The following MAST4 variants were observed in gnomAD, a reference collection of about 807,000 sequenced individuals.
MAST4 encodes microtubule associated serine/threonine kinase family member 4, also known as microtubule-associated serine/threonine-protein kinase 4.
Under a neutral mutation model 162.7 loss-of-function variants are expected in MAST4, and 89 were observed. That is an observed-to-expected ratio of 0.55 (90% CI 0.46 to 0.65). The LOEUF (loss-of-function observed/expected upper bound fraction) is 0.65. Ranked by LOEUF, MAST4 falls within the 30% of genes least tolerant of loss-of-function variation. The pLI is 0.00. For missense variants in MAST4, 3,153 were observed against 3,374.0 expected (o/e 0.93, Z 1.62); for synonymous variants, 1,479 against 1,361.1 (o/e 1.09, Z -1.91).
chr5:66,953,188 T>C (rs985007333), intron 4 of MAST4, among the ~76,000 whole-genome samples: 1 of 152,176 alleles, frequency 6.6e-6, no homozygotes, highest in Admixed American at 6.5e-5. Context: ...AATATATAAA[T>C]AATTGAACAT....
chr5:66,721,624 A>G (rs1751214981), intron 1 of MAST4, among the ~76,000 whole-genome samples: 1 of 150,246 alleles, frequency 6.7e-6, no homozygotes, highest in South Asian at 2.1e-4. Flanking sequence ...GATCTAGTAT[A>G]ATGGCCACCA....
At chr5:66,652,868 G>C (rs1023903427) in intron 1 of MAST4, among the ~76,000 whole-genome samples, 1 of 152,096 alleles carries the variant, frequency 6.6e-6, no homozygotes, top group South Asian at 2.1e-4. Flanking sequence ...TGAGGCAAGC[G>C]CTCTCATTGC....
At chr5:66,675,661 A>G (rs1345267417) in intron 1 of MAST4, among the ~76,000 whole-genome samples, 1 of 152,146 alleles carries the variant, frequency 6.6e-6, no homozygotes, top group Admixed American at 6.5e-5. Context: ...GGCTCATCAA[A>G]TCTGCTTTTG....
At chr5:67,109,279 A>G (rs540741652) in intron 10 of MAST4, among the ~76,000 whole-genome samples, 2 of 152,290 alleles carry the variant, frequency 1.3e-5, no homozygotes, top group South Asian at 2.1e-4. Context: ...GCTCCAGAAT[A>G]TGAAACTTTT....
intron 4 of MAST4, among the ~76,000 whole-genome samples, chr5:66,990,127 G>A (rs1247356512): frequency 6.6e-6 from 1 of 152,056 alleles, no homozygotes. Flanking sequence ...ATTCATGCTT[G>A]TTTTCTTTTA....
At chr5:66,718,067 G>A (rs372763319) in intron 1 of MAST4, among the ~76,000 whole-genome samples, 1 of 151,274 alleles carries the variant, frequency 6.6e-6, no homozygotes, top group Non-Finnish European at 1.5e-5. Context: ...CTTACATCCT[G>A]TGTGCTTTAA....
At chr5:66,794,856 A>C (rs1374040) in intron 3 of MAST4, among the ~76,000 whole-genome samples, 40,008 of 152,186 alleles carry the variant, frequency 0.26, 6,077 homozygotes, top group Non-Finnish European at 0.35. Flanking sequence ...ATTAAAACCA[A>C]ACTATTTAAA....
chr5:66,704,483 CTTG>C (rs1188045913), intron 1 of MAST4, among the ~76,000 whole-genome samples: 1 of 138,138 alleles, frequency 7.2e-6, no homozygotes, highest in Non-Finnish European at 1.5e-5. Context: ...CTCTCTGTTG[CTTG>C]TTGTTCTTTT....
chr5:67,020,467 G>A (rs893057287), intron 4 of MAST4, among the ~76,000 whole-genome samples: 1 of 152,182 alleles, frequency 6.6e-6, no homozygotes, highest in East Asian at 1.9e-4. Flanking sequence ...GCTTCTCTTG[G>A]AAGGATTGTT....
At chr5:66,946,464 A>T (rs1443284147) in intron 4 of MAST4, among the ~76,000 whole-genome samples, 1 of 152,136 alleles carries the variant, frequency 6.6e-6, no homozygotes, top group Admixed American at 6.6e-5. Flanking sequence ...AATGAATTCT[A>T]TTCCCTTTTG....
chr5:66,636,469 A>G (rs960955608), intron 1 of MAST4, among the ~76,000 whole-genome samples: 5 of 152,188 alleles, frequency 3.3e-5, no homozygotes, highest in African/African-American at 1.2e-4. Flanking sequence ...AAAAGCAAAT[A>G]TGTGAGGGAG....
At chr5:66,719,196 ACCG>A (rs1275501573) in intron 1 of MAST4, among the ~76,000 whole-genome samples, 1 of 152,214 alleles carries the variant, frequency 6.6e-6, no homozygotes, top group Admixed American at 6.5e-5. Flanking sequence ...ACCAAAAGGC[ACCG>A]CCTTGGGTAC....
chr5:66,983,791 G>C (rs1216889621), intron 4 of MAST4, among the ~76,000 whole-genome samples: 1 of 152,200 alleles, frequency 6.6e-6, no homozygotes, highest in Non-Finnish European at 1.5e-5. Context: ...CCTTAGTAGA[G>C]GTGGAGCTCC....
In MAST4 at chr5:67,168,385, G is replaced by C. The variant is rs2151154771; in HGVS notation, c.*1334G>C. The C allele has an allele frequency of 6.6e-6, 1 of 152,256 alleles. No individual in the cohort carries two copies. Among genetic ancestry groups the C allele is most frequent in the African/African-American group, 2.4e-5 (1 of 41,554 alleles). 9.4% of individuals were successfully genotyped at this position (152,256 alleles called of 1,614,324 possible). On this transcript the variant is annotated 3_prime_UTR_variant, in exon 29 of 29. Coordinates refer to ENST00000403625, the MANE Select transcript of MAST4 (RefSeq NM_001164664.2). ...ATTTTTGTAACAAAGAGACTCGCTG[G>C]AGCTATTTGGTGCTTGAATGTGACC...
At chr5:66,917,449 G>A in intron 4 of MAST4, 1 of 155,896 alleles carries the variant, frequency 6.4e-6, no homozygotes, top group Non-Finnish European at 1.4e-5. Flanking sequence ...TTTCTTTATT[G>A]CTTCTGAATT....
intron 23 of MAST4, 133 bp downstream of exon 23, chr5:67,145,512 G>A (rs1770977274): frequency 4.3e-6 from 3 of 691,252 alleles, no homozygotes; most frequent in Non-Finnish European, 4.9e-6. Context: ...CATGGCCTCA[G>A]TCCTTAGGCT....
chr5:66,911,529 C>T, intron 4 of MAST4, among the ~76,000 whole-genome samples: 1 of 144,772 alleles, frequency 6.9e-6, no homozygotes. Flanking sequence ...TAACGAGACC[C>T]TGTCTCTACA....
chr5:66,639,859 C>T (rs1242832844), intron 1 of MAST4, among the ~76,000 whole-genome samples: 10 of 152,144 alleles, frequency 6.6e-5, no homozygotes, highest in East Asian at 3.9e-4. Flanking sequence ...AAGCACATGA[C>T]GTGTTTTTAT....
chr5:67,071,701 A>G (rs1301274108), intron 5 of MAST4, among the ~76,000 whole-genome samples: 1 of 152,238 alleles, frequency 6.6e-6, no homozygotes, highest in Non-Finnish European at 1.5e-5. Context: ...CGAAGGTTAC[A>G]GTGAGCCGAG....
Sources: allele counts gnomAD v4.1 joint callset (sites outside exome capture counted in the v4.1 genomes callset), GRCh38; gene constraint gnomAD v4.1.1; transcripts MANE v1.5; gene names NCBI Gene and HGNC (gene_info 2026-07-23, HGNC 2026-07-21).